The following DNAAF9 variants were observed in gnomAD, a reference collection of about 807,000 sequenced individuals.
The protein encoded by DNAAF9 is shulin.
Under a neutral mutation model 167.0 loss-of-function variants are expected in DNAAF9, and 90 were observed. The observed-to-expected ratio is 0.54, with a 90% confidence interval of 0.45 to 0.64. The LOEUF is 0.64. Among genes scored for constraint, DNAAF9 ranks in the 30% least tolerant of loss-of-function variants. The probability of loss-of-function intolerance (pLI) is 0.00; values close to 1 mark genes in which losing one functional copy is unlikely to be tolerated. For synonymous variants in DNAAF9, 491 were observed against 508.8 expected, an observed-to-expected ratio of 0.96 and a Z score of 0.47; for missense variants, 1,315 against 1,442.2, an observed-to-expected ratio of 0.91 and a Z score of 1.43.
intron 6 of DNAAF9, among the ~76,000 whole-genome samples, chr20:3,363,228 CAA>C (rs550155552): frequency 1.5e-4 from 16 of 105,118 alleles, no homozygotes; most frequent in Non-Finnish European, 1.2e-4. Flanking sequence ...GACTCCGTCT[CAA>C]AAAAAAAAAA....
chr20:3,286,488 G>GT (rs1291950577), intron 27 of DNAAF9, among the ~76,000 whole-genome samples: 1 of 152,200 alleles, frequency 6.6e-6, no homozygotes, highest in Non-Finnish European at 1.5e-5. Flanking sequence ...GGGGCAGGCA[G>GT]TAAAGGAGGT....
chr20:3,375,018 T>C lies in DNAAF9; in HGVS notation c.505+12A>G. The C allele has an allele frequency of 6.9e-7, 1 of 1,454,998 alleles. No homozygotes were observed. The highest frequency in any genetic ancestry group is 9.7e-7 in the Non-Finnish European group (1 of 1,035,364). 90.1% of individuals were successfully genotyped at this position (1,454,998 alleles called of 1,614,324 possible). A position where few individuals can be genotyped will look rare whatever the true frequency, so the allele number is the denominator to read the frequency against. On this transcript the variant is annotated intron_variant, in intron 5 of 36. Coordinates refer to ENST00000252032, the MANE Select transcript of DNAAF9 (RefSeq NM_001009984.3). Reference sequence around the variant, plus strand: ...AAGCAAGGTTCTAGAAGGCTTGCTGTCAGATACTCACCTTGGGAGCTGTAA... The same window carrying C: ...AAGCAAGGTTCTAGAAGGCTTGCTGCCAGATACTCACCTTGGGAGCTGTAA...
At chr20:3,358,173 G>T (rs530692701) in intron 7 of DNAAF9, among the ~76,000 whole-genome samples, 3 of 151,814 alleles carry the variant, frequency 2.0e-5, no homozygotes, top group Admixed American at 2.0e-4. Flanking sequence ...GGATGCCAAC[G>T]CATTTTATTG....
chr20:3,407,238 G>C (rs944777511), intron 1 of DNAAF9, among the ~76,000 whole-genome samples: 18 of 152,164 alleles, frequency 1.2e-4, no homozygotes, highest in African/African-American at 4.3e-4. Context: ...ACCGTTGCAG[G>C]GTTGTCTGTG....
chr20:3,402,617 G>T (rs183078793), intron 1 of DNAAF9, among the ~76,000 whole-genome samples: 1 of 150,110 alleles, frequency 6.7e-6, no homozygotes. Flanking sequence ...TCACTCTGTT[G>T]CCCAGGCTGG....
chr20:3,382,448 C>T lies in DNAAF9; in HGVS notation c.142G>A (p.Asp48Asn), dbSNP rs1437486552. The T allele has an allele frequency of 1.2e-6, 2 of 1,613,718 alleles. No homozygotes were observed. Residue 48 changes from aspartate to asparagine, a missense_variant, in exon 2 of 37, where the codon GAT (aspartate) becomes AAT (asparagine). Asp to Asn is a conservative substitution (Grantham distance 23). Around this residue, in one of 2 missense-constraint regions of DNAAF9, gnomAD observed 981 missense variants for 1,012.5 expected, o/e 0.97. Transcript: ENST00000252032. Reference protein sequence around the residue: ...ILTQSSKSRPDGILCILGIDS... With the variant: ...ILTQSSKSRPNGILCILGIDS... ...TGACCTAGGATGCAGAGGATCCCAT[C>T]CGGCCGAGACTTGCTGCTCTGGGTC...
rs982324319 is a variant in DNAAF9, at chr20:3,376,305, G to C, written c.284-3C>G. The stretch of plus-strand genomic sequence containing the variant: ...CGATTTAATCAATATAATTACATCT[G>C]TAAGAAAAACAAAATCAAAACACAA... On this transcript the variant is annotated splice_polypyrimidine_tract_variant and splice_region_variant and intron_variant, in intron 3 of 36. Transcript: ENST00000252032. 1 of 1,592,982 alleles carries C rather than the reference G, an allele frequency of 6.3e-7. No individual in the cohort carries two copies. The highest frequency in any genetic ancestry group is 1.4e-5 in the African/African-American group (1 of 73,998).
Position 3,371,347 on chromosome 20 carries a change from T to G in DNAAF9, c.612+2701A>C, listed in dbSNP as rs1431083585. On this transcript the variant is annotated intron_variant, in intron 6 of 36. Coordinates refer to ENST00000252032, the MANE Select transcript of DNAAF9 (RefSeq NM_001009984.3). ...TTGAAGAAAATCTTTTTTTTTTTTT[T>G]TTTTTTTTTTTTTGAGACTGGAGTC... 1.8e-4 allele frequency among the ~76,000 whole-genome samples: 24 copies of G among 134,016 alleles called. 1 individual carries two copies. Among genetic ancestry groups the G allele is most frequent in the Admixed American group, 1.6e-3 (22 of 13,344 alleles). The allele number at this position is 134,016 out of a possible 152,430, so 87.9% of individuals were successfully genotyped here.
chr20:3,332,377 A>T lies in DNAAF9; in HGVS notation c.982-16T>A. The T allele has an allele frequency of 7.1e-7, 1 of 1,414,770 alleles. No individual in the cohort carries two copies. 87.6% of individuals were successfully genotyped at this position (1,414,770 alleles called of 1,614,324 possible). A position where few individuals can be genotyped will look rare whatever the true frequency, so the allele number is the denominator to read the frequency against. Reference sequence around the variant, plus strand: ...ACTGGGCTACCTGGATGTCAGAAAAAAATAAAAATAAAAAGGGGCAATAAC... The same window carrying T: ...ACTGGGCTACCTGGATGTCAGAAAATAATAAAAATAAAAAGGGGCAATAAC... On this transcript the variant is annotated splice_polypyrimidine_tract_variant and intron_variant, in intron 10 of 36. Coordinates refer to ENST00000252032, the MANE Select transcript of DNAAF9 (RefSeq NM_001009984.3).
intron 31 of DNAAF9, 134 bp downstream of exon 31, chr20:3,264,304 C>T (rs546467410): frequency 1.8e-4 from 114 of 619,024 alleles, no homozygotes; most frequent in African/African-American, 1.7e-3. Context: ...ACAGGCAGGC[C>T]GTGCCAGCTG....
intron 1 of DNAAF9, among the ~76,000 whole-genome samples, chr20:3,387,897 A>AG (rs1206703919): frequency 1.8e-5 from 1 of 56,844 alleles, no homozygotes; most frequent in East Asian, 3.8e-4. Flanking sequence ...AAAAAAAAAA[A>AG]AAAAAAAAAA....
rs1332110400 is a variant in DNAAF9 at position 3,251,478 on chromosome 20, G to A, written c.*1094C>T. ...CACCAATTATGAAGGTCAGGCATGGGACACACTTGTAATTCCCCTCTGCTT... is the reference window on the plus strand; with the variant it reads ...CACCAATTATGAAGGTCAGGCATGGAACACACTTGTAATTCCCCTCTGCTT... On this transcript the variant is annotated 3_prime_UTR_variant, in exon 37 of 37. Transcript: ENST00000252032. 1 of 152,206 alleles carries A rather than the reference G, an allele frequency of 6.6e-6. No homozygotes were observed. The highest frequency in any genetic ancestry group is 2.4e-5 in the African/African-American group (1 of 41,456). The allele number at this position is 152,206 out of a possible 1,614,324, so 9.4% of individuals were successfully genotyped here. A position where few individuals can be genotyped will look rare whatever the true frequency, so the allele number is the denominator to read the frequency against.
intron 13 of DNAAF9, 142 bp downstream of exon 13, chr20:3,326,055 G>C: frequency 1.6e-6 from 1 of 634,910 alleles, no homozygotes; most frequent in South Asian, 2.0e-5. Flanking sequence ...AGTGCTCTCA[G>C]GGCTTCTCTC....
intron 30 of DNAAF9, among the ~76,000 whole-genome samples, chr20:3,265,061 C>T (rs1203879448): frequency 6.6e-6 from 1 of 152,098 alleles, no homozygotes; most frequent in African/African-American, 2.4e-5. Context: ...TGATCACATC[C>T]AAGGAATTTA....
At chr20:3,361,372 G>C (rs2123180636) in intron 6 of DNAAF9, among the ~76,000 whole-genome samples, 1 of 152,100 alleles carries the variant, frequency 6.6e-6, no homozygotes, top group South Asian at 2.1e-4. Flanking sequence ...TTAAACCAGG[G>C]GTGCAGGCAA....
chr20:3,267,494 C>A (rs559149907), intron 30 of DNAAF9, among the ~76,000 whole-genome samples: 16 of 147,060 alleles, frequency 1.1e-4, no homozygotes, highest in Middle Eastern at 3.4e-3. Flanking sequence ...TGTGGTATTA[C>A]TATTCTGGTC....
intron 11 of DNAAF9, 56 bp downstream of exon 11, chr20:3,332,224 A>G (rs2069842503): frequency 1.1e-6 from 1 of 932,314 alleles, no homozygotes; most frequent in Non-Finnish European, 1.7e-6. Context: ...CTTCTAGTTC[A>G]TGGGACAGAC....
In DNAAF9 at chr20:3,376,228, A is replaced by G. The variant is rs1157391480; in HGVS notation, c.358T>C (p.Tyr120His). The G allele has an allele frequency of 1.3e-5, 21 of 1,613,526 alleles. No homozygotes were observed. The highest frequency in any genetic ancestry group is 1.5e-5 in the Non-Finnish European group (18 of 1,179,608). Residue 120 changes from tyrosine to histidine, a missense_variant, in exon 4 of 37, where the codon TAT becomes CAT. Tyr to His is a moderately conservative substitution (Grantham distance 83). Around this residue, in one of 2 missense-constraint regions of DNAAF9, gnomAD observed 981 missense variants for 1,012.5 expected, o/e 0.97. Transcript: ENST00000252032. ...NPVNFRYLLPYVAHWRNLHFH... is the reference protein window; with the variant it reads ...NPVNFRYLLPHVAHWRNLHFH... ...TGCAGATTTCTCCAATGTGCCACAT[A>G]AGGTAAGAGATAGCGAAAGTTTACA...
chr20:3,388,511 C>T (rs926512272), intron 1 of DNAAF9, among the ~76,000 whole-genome samples: 2 of 152,036 alleles, frequency 1.3e-5, no homozygotes, highest in Non-Finnish European at 2.9e-5. Context: ...ACCTGTATAC[C>T]CATCTTCATA....
Sources: allele counts gnomAD v4.1 joint callset (sites outside exome capture counted in the v4.1 genomes callset), GRCh38; gene constraint gnomAD v4.1.1; regional missense constraint gnomAD v4.1.1; transcripts MANE v1.5; gene names NCBI Gene and HGNC (gene_info 2026-07-23, HGNC 2026-07-21).